The following ENOX1 variants were observed in gnomAD, a reference collection of about 807,000 sequenced individuals.
The protein encoded by ENOX1 is ecto-NOX disulfide-thiol exchanger 1, also known as candidate growth-related and time keeping constitutive hydroquinone (NADH) oxidase.
Under a neutral mutation model 82.5 loss-of-function variants are expected in ENOX1, and 42 were observed. The ratio of observed to expected loss-of-function variants is 0.51; its 90% CI spans 0.40 to 0.66. The LOEUF is 0.66. Ranked by LOEUF, ENOX1 falls within the 30% of genes least tolerant of loss-of-function variation. The pLI is 0.00. For missense variants in ENOX1, 608 were observed against 811.6 expected, an observed-to-expected ratio of 0.75 and a Z score of 3.05; for synonymous variants, 271 against 282.2, an observed-to-expected ratio of 0.96 and a Z score of 0.40.
At position 43,484,050 on chromosome 13, in the gene ENOX1, G is replaced by A. The variant is rs937671914; in HGVS notation, c.-116C>T. ...GCTCAGAAGACAAATGTGTTCTCTG[G>A]GGACTTGATTGAAACCATGTATTCA... On this transcript the variant is annotated 5_prime_UTR_variant, in exon 3 of 17. Coordinates refer to ENST00000690772, the MANE Select transcript of ENOX1 (RefSeq NM_001347969.2). The A allele has an allele frequency of 5.1e-6, 5 of 985,302 alleles. No individual in the cohort carries two copies. The highest frequency in any genetic ancestry group is 3.5e-5 in the African/African-American group (2 of 57,204). 61.0% of individuals were successfully genotyped at this position (985,302 alleles called of 1,614,324 possible).
chr13:43,709,447 C>T lies in ENOX1; in HGVS notation c.-284-41903G>A, dbSNP rs535221740. 1.2e-4 allele frequency among the ~76,000 whole-genome samples: 18 copies of T among 151,890 alleles called. No homozygotes were observed. The South Asian group carries it at 1.9e-3, about 16-fold the overall frequency. On this transcript the variant is annotated intron_variant, in intron 1 of 16. Coordinates refer to ENST00000690772, the MANE Select transcript of ENOX1 (RefSeq NM_001347969.2). ...ATTATAATTTTAAGTACATTTTTAACGAAACAAGAAAGACTGAAAACAAGC... is the reference window on the plus strand; with the variant it reads ...ATTATAATTTTAAGTACATTTTTAATGAAACAAGAAAGACTGAAAACAAGC...
chr13:43,737,800 A>G (rs2089705361), intron 1 of ENOX1, among the ~76,000 whole-genome samples: 2 of 152,198 alleles, frequency 1.3e-5, no homozygotes, highest in Admixed American at 1.3e-4. Flanking sequence ...TTTATTATTT[A>G]AAATACACAT....
intron 2 of ENOX1, among the ~76,000 whole-genome samples, chr13:43,525,981 T>C (rs150258194): frequency 6.6e-6 from 1 of 152,278 alleles, no homozygotes; most frequent in African/African-American, 2.4e-5. Flanking sequence ...GTTCTCTTAA[T>C]CTATCCATAA....
intron 2 of ENOX1, among the ~76,000 whole-genome samples, chr13:43,548,860 A>G (rs2079074389): frequency 6.6e-6 from 1 of 152,178 alleles, no homozygotes; most frequent in Admixed American, 6.5e-5. Flanking sequence ...TCAAAAGCCT[A>G]TCAAAACTGG....
chr13:43,751,531 T>G (rs1219278225), intron 1 of ENOX1, among the ~76,000 whole-genome samples: 1 of 152,112 alleles, frequency 6.6e-6, no homozygotes, highest in Non-Finnish European at 1.5e-5. Context: ...CAACTCTCTC[T>G]GTCACTCCTC....
chr13:43,631,177 C>A (rs531234552), intron 2 of ENOX1, among the ~76,000 whole-genome samples: 2 of 152,236 alleles, frequency 1.3e-5, no homozygotes, highest in African/African-American at 4.8e-5. Flanking sequence ...AATAACACTG[C>A]AATGCATGTC....
chr13:43,665,626 T>A (rs919189993), intron 2 of ENOX1, among the ~76,000 whole-genome samples: 1 of 152,022 alleles, frequency 6.6e-6, no homozygotes, highest in Non-Finnish European at 1.5e-5. Flanking sequence ...AGAGGCGGCA[T>A]GTAAATTGGC....
intron 5 of ENOX1, among the ~76,000 whole-genome samples, chr13:43,383,813 T>C (rs548314033): frequency 6.6e-6 from 1 of 152,322 alleles, no homozygotes; most frequent in African/African-American, 2.4e-5. Flanking sequence ...GTAGAATGCA[T>C]GAATTTGTTG....
At chr13:43,406,103 C>T (rs1246261952) in intron 5 of ENOX1, among the ~76,000 whole-genome samples, 1 of 152,070 alleles carries the variant, frequency 6.6e-6, no homozygotes, top group Non-Finnish European at 1.5e-5. Flanking sequence ...CTCTTCATAT[C>T]TGGGCATATT....
chr13:43,382,382 T>C (rs1346940906), intron 5 of ENOX1, among the ~76,000 whole-genome samples: 3 of 152,142 alleles, frequency 2.0e-5, no homozygotes, highest in Non-Finnish European at 2.9e-5. Context: ...ACTACACATA[T>C]GATCATACTT....
At chr13:43,770,995 T>C (rs748962404) in intron 1 of ENOX1, among the ~76,000 whole-genome samples, 2 of 152,154 alleles carry the variant, frequency 1.3e-5, no homozygotes, top group East Asian at 1.9e-4. Context: ...GCACTCAAAT[T>C]ATTATTTCAT....
chr13:43,470,327 T>TAC lies in ENOX1; in HGVS notation c.-75+13681_-75+13682insGT, dbSNP rs1222036677. Reference sequence around the variant, plus strand: ...ATATACATATATATACACATATATATATGTATATATATACGTATATATATA... The same window carrying TAC: ...ATATACATATATATACACATATATATACATGTATATATATACGTATATATATA... On this transcript the variant is annotated intron_variant, in intron 3 of 16. Transcript: ENST00000690772. Among the ~76,000 whole-genome samples, 56 of 57,370 alleles carry TAC rather than the reference T, an allele frequency of 9.8e-4. 6 individuals are homozygous for TAC. The highest frequency in any genetic ancestry group is 3.2e-3 in the African/African-American group (47 of 14,880). The allele number at this position is 57,370 out of a possible 152,430, so 37.6% of individuals were successfully genotyped here.
intron 9 of ENOX1, among the ~76,000 whole-genome samples, chr13:43,332,421 C>G (rs1593985311): frequency 6.6e-6 from 1 of 152,166 alleles, no homozygotes; most frequent in African/African-American, 2.4e-5. Flanking sequence ...ACCTGGTGCT[C>G]ACTTCCTGCT....
intron 5 of ENOX1, among the ~76,000 whole-genome samples, chr13:43,406,461 G>A (rs138425882): frequency 2.6e-5 from 4 of 151,692 alleles, no homozygotes. Context: ...AAAGGATGTG[G>A]CTCTATGTAG....
rs1566306927 is a variant in ENOX1, at chr13:43,470,346, A to G, written c.-75+13663T>C. On this transcript the variant is annotated intron_variant, in intron 3 of 16. Coordinates refer to ENST00000690772, the MANE Select transcript of ENOX1 (RefSeq NM_001347969.2). ...TATATATATGTATATATATACGTAT[A>G]TATATATGTATATATATACGTATAT... Among the ~76,000 whole-genome samples the G allele has an allele frequency of 1.1e-4, 4 of 38,054 alleles. 1 individual carries two copies. In the East Asian group the frequency reaches 0.01, roughly 98 times the overall value. 25.0% of individuals were successfully genotyped at this position (38,054 alleles called of 152,430 possible). A position where few individuals can be genotyped will look rare whatever the true frequency, so the allele number is the denominator to read the frequency against.
intron 14 of ENOX1, among the ~76,000 whole-genome samples, chr13:43,238,203 A>T (rs1236598999): frequency 2.6e-5 from 4 of 152,218 alleles, no homozygotes; most frequent in Non-Finnish European, 5.9e-5. Context: ...AGCCAGCTGT[A>T]CATCAAAGGT....
At chr13:43,298,152 T>C (rs1406275568) in intron 12 of ENOX1, among the ~76,000 whole-genome samples, 194 bp downstream of exon 12, 1 of 152,234 alleles carries the variant, frequency 6.6e-6, no homozygotes, top group South Asian at 2.1e-4. Context: ...CTTCAACATA[T>C]TTTATTGGCT....
chr13:43,720,364 G>C (rs12864863), intron 1 of ENOX1, among the ~76,000 whole-genome samples: 1 of 151,952 alleles, frequency 6.6e-6, no homozygotes, highest in Non-Finnish European at 1.5e-5. Context: ...ACGGAAGCCC[G>C]TTCAATGCCT....
chr13:43,318,869 G>A (rs1566500431), intron 11 of ENOX1, among the ~76,000 whole-genome samples: 1 of 152,140 alleles, frequency 6.6e-6, no homozygotes, highest in Non-Finnish European at 1.5e-5. Flanking sequence ...AAACGTATCG[G>A]GTTTTGCCAT....
Sources: allele counts gnomAD v4.1 joint callset (sites outside exome capture counted in the v4.1 genomes callset), GRCh38; gene constraint gnomAD v4.1.1; transcripts MANE v1.5; gene names NCBI Gene and HGNC (gene_info 2026-07-23, HGNC 2026-07-21).